BNC2: variants seen among roughly 807,000 people sequenced by gnomAD.
The protein encoded by BNC2 is basonuclin zinc finger protein 2.
A neutral mutation model predicts 76.3 loss-of-function variants in BNC2; 20 were observed. The observed-to-expected ratio is 0.26, with a 90% CI of 0.18 to 0.38. BNC2 has a LOEUF of 0.38. Among genes scored for constraint, BNC2 ranks in the 10% least tolerant of loss-of-function variants. The pLI, the probability that BNC2 is intolerant of heterozygous loss-of-function variation, is 1.00. For synonymous variants in BNC2, 582 were observed against 514.8 expected (o/e 1.13, Z -1.77); for missense variants, 1,382 against 1,399.8 (o/e 0.99, Z 0.20).
chr9:16,526,664 G>A (rs1331401425), intron 5 of BNC2, among the ~76,000 whole-genome samples: 1 of 151,996 alleles, frequency 6.6e-6, no homozygotes, highest in African/African-American at 2.4e-5. Flanking sequence ...ACAGTATACA[G>A]TAGACAATAT....
At chr9:16,566,694 T>C (rs1346169104) in intron 4 of BNC2, among the ~76,000 whole-genome samples, 1 of 152,160 alleles carries the variant, frequency 6.6e-6, no homozygotes, top group Admixed American at 6.5e-5. Flanking sequence ...ATCACTAGAT[T>C]TGTGATCAAT....
chr9:16,552,357 G>C (rs1055405401), intron 5 of BNC2, among the ~76,000 whole-genome samples, 173 bp downstream of exon 5: 16 of 152,186 alleles, frequency 1.1e-4, no homozygotes, highest in African/African-American at 3.9e-4. Flanking sequence ...CCTGAGGCCC[G>C]ATGGTGGCCT....
intron 3 of BNC2, among the ~76,000 whole-genome samples, chr9:16,685,150 C>A (rs758477633): frequency 1.3e-5 from 2 of 152,194 alleles, no homozygotes; most frequent in Non-Finnish European, 2.9e-5. Context: ...AGGTCCTGCA[C>A]TAACTGCTGA....
chr9:16,587,358 C>A (rs537679809), intron 3 of BNC2, among the ~76,000 whole-genome samples: 4 of 152,060 alleles, frequency 2.6e-5, no homozygotes, highest in African/African-American at 4.8e-5. Context: ...GGACTACAGG[C>A]GTGCACCATC....
intron 1 of BNC2, among the ~76,000 whole-genome samples, chr9:16,777,526 C>T (rs1293322842): frequency 6.6e-6 from 1 of 151,948 alleles, no homozygotes; most frequent in Non-Finnish European, 1.5e-5. Flanking sequence ...CAGTGAAACC[C>T]CGTCTCCACT....
intron 3 of BNC2, among the ~76,000 whole-genome samples, chr9:16,628,712 A>G (rs1046876501): frequency 6.6e-6 from 1 of 152,210 alleles, no homozygotes. Flanking sequence ...CATTTATACA[A>G]CAATAAGCTT....
intron 3 of BNC2, among the ~76,000 whole-genome samples, chr9:16,673,184 C>T (rs13295818): frequency 0.41 from 62,142 of 151,896 alleles, 15,772 homozygotes; most frequent in Non-Finnish European, 0.59. Context: ...CAAAATTCCT[C>T]TGCATATCAA....
chr9:16,457,872 C>A (rs543133955), intron 5 of BNC2, among the ~76,000 whole-genome samples: 7 of 152,270 alleles, frequency 4.6e-5, no homozygotes, highest in East Asian at 1.9e-4. Context: ...TTTTTCCACA[C>A]CTTCCCATTG....
chr9:16,414,515 A>G lies in BNC2; in HGVS notation c.*4474T>C, dbSNP rs1341531375. On this transcript the variant is annotated 3_prime_UTR_variant, in exon 7 of 7. Coordinates refer to ENST00000380672, the MANE Select transcript of BNC2 (RefSeq NM_017637.6). ...TTTTAAAGAATGAAATTCGTTTGTC[A>G]TAATTTTAAAAAAGAAGCTCTTAAG... 6.6e-6 allele frequency: 1 copy of G among 152,250 alleles called. No individual in the cohort carries two copies. Among genetic ancestry groups the G allele is most frequent in the Non-Finnish European group, 1.5e-5 (1 of 68,044 alleles). 9.4% of individuals were successfully genotyped at this position (152,250 alleles called of 1,614,324 possible).
intron 3 of BNC2, among the ~76,000 whole-genome samples, chr9:16,663,699 T>G (rs1165773204): frequency 6.6e-6 from 1 of 152,172 alleles, no homozygotes. Context: ...TAATGTCCAA[T>G]AGCGTCAATT....
intron 3 of BNC2, among the ~76,000 whole-genome samples, chr9:16,659,195 G>A (rs758773529): frequency 1.6e-4 from 25 of 152,240 alleles, no homozygotes; most frequent in Admixed American, 6.5e-5. Context: ...TAATGCAGAG[G>A]GCCCTGACAA....
intron 3 of BNC2, among the ~76,000 whole-genome samples, chr9:16,722,309 G>A (rs1203674363): frequency 6.6e-6 from 1 of 152,156 alleles, no homozygotes; most frequent in Non-Finnish European, 1.5e-5. Flanking sequence ...AATTAGTCAG[G>A]GAGGATTTGC....
intron 1 of BNC2, among the ~76,000 whole-genome samples, chr9:16,788,760 A>C (rs73646256): frequency 0.024 from 3,714 of 151,662 alleles, 149 homozygotes; most frequent in African/African-American, 0.086. Context: ...AGAGAAATCA[A>C]CTCCTTCATA....
intron 5 of BNC2, among the ~76,000 whole-genome samples, chr9:16,498,697 A>G (rs1054831818): frequency 6.6e-6 from 1 of 151,754 alleles, no homozygotes; most frequent in African/African-American, 2.4e-5. Flanking sequence ...ATCAAGAAAA[A>G]AAAAAGACCC....
intron 1 of BNC2, among the ~76,000 whole-genome samples, chr9:16,821,381 T>C (rs892149366): frequency 2.0e-5 from 3 of 152,156 alleles, no homozygotes; most frequent in Admixed American, 1.3e-4. Context: ...ATGACTACAG[T>C]TATTTGTTTG....
intron 4 of BNC2, among the ~76,000 whole-genome samples, chr9:16,570,246 C>T (rs1371475533): frequency 6.6e-6 from 1 of 152,074 alleles, no homozygotes; most frequent in Non-Finnish European, 1.5e-5. Flanking sequence ...GTATAAAAAG[C>T]CAGCATCTGG....
intron 3 of BNC2, among the ~76,000 whole-genome samples, chr9:16,647,339 T>C (rs2133912214): frequency 6.6e-6 from 1 of 152,064 alleles, no homozygotes; most frequent in African/African-American, 2.4e-5. Flanking sequence ...GCGGAATGTG[T>C]GTGGTACGGG....
intron 1 of BNC2, among the ~76,000 whole-genome samples, chr9:16,807,074 T>G (rs1386410985): frequency 1.3e-5 from 2 of 152,226 alleles, no homozygotes; most frequent in African/African-American, 4.8e-5. Context: ...ATATCATGAT[T>G]ATTATCTATG....
intron 3 of BNC2, among the ~76,000 whole-genome samples, chr9:16,606,391 C>T (rs1021899728): frequency 1.3e-5 from 2 of 152,002 alleles, no homozygotes; most frequent in Admixed American, 1.3e-4. Flanking sequence ...GCTCTGTGTC[C>T]CCAACCAAAT....
Sources: gnomAD v4.1 joint callset for allele counts (sites outside exome capture counted in the v4.1 genomes callset) on GRCh38, gnomAD v4.1.1 for gene constraint, MANE v1.5 for transcripts, NCBI Gene and HGNC (gene_info 2026-07-23, HGNC 2026-07-21) for gene names.